KAZN: variants seen among roughly 807,000 people sequenced by gnomAD.
KAZN encodes the protein kazrin, periplakin interacting protein.
Under a neutral mutation model 87.4 loss-of-function variants are expected in KAZN, and 40 were observed. That is an observed-to-expected ratio of 0.46 (90% CI 0.36 to 0.60). The LOEUF is 0.60. Ranked by LOEUF, KAZN falls within the 20% of genes least tolerant of loss-of-function variation. The pLI is 0.00. For missense variants in KAZN, 898 were observed against 1,073.9 expected (o/e 0.84, Z 2.29); for synonymous variants, 466 against 458.3 (o/e 1.02, Z -0.22).
intron 1 of KAZN, among the ~76,000 whole-genome samples, chr1:14,626,634 T>C (rs572892088): frequency 6.6e-6 from 1 of 152,202 alleles, no homozygotes. Flanking sequence ...TTTCTCTGTG[T>C]GATTCTGCTT....
chr1:14,550,211 C>T (rs1053751851), intron 2 of KAZN, among the ~76,000 whole-genome samples: 1 of 152,156 alleles, frequency 6.6e-6, no homozygotes, highest in African/African-American at 2.4e-5. Flanking sequence ...CAGTTCTCTA[C>T]ACTCATGAAA....
At chr1:13,897,249 C>T (rs1639079636) in intron 1 of KAZN, among the ~76,000 whole-genome samples, 2 of 152,164 alleles carry the variant, frequency 1.3e-5, no homozygotes. Context: ...GCCAATAATA[C>T]TTATTATCTG....
chr1:15,076,255 G>A (rs1639743832), intron 8 of KAZN, among the ~76,000 whole-genome samples: 1 of 152,194 alleles, frequency 6.6e-6, no homozygotes, highest in South Asian at 2.1e-4. Context: ...TTGAGTGTGT[G>A]AGCCAATTCC....
Position 14,191,493 on chromosome 1 carries a change from C to T in KAZN, c.249+10901C>T, listed in dbSNP as rs184613310. Among the ~76,000 whole-genome samples, 266 of 152,054 alleles carry T rather than the reference C, an allele frequency of 1.7e-3. 4 individuals are homozygous for T. Among genetic ancestry groups the T allele is most frequent in the Non-Finnish European group, 2.2e-4 (15 of 67,972 alleles). ...ATTTGGAGATTGAAAATCTAGGGAC[C>T]CATGGTACATCTAGGTGTAGTTGTC... On this transcript the variant is annotated intron_variant, in intron 2 of 16. Coordinates refer to the KAZN transcript ENST00000636203.
chr1:14,231,567 T>TA (rs1647852634), intron 2 of KAZN, among the ~76,000 whole-genome samples: 1 of 152,186 alleles, frequency 6.6e-6, no homozygotes, highest in Admixed American at 6.5e-5. Flanking sequence ...TGTGGTGACT[T>TA]ACTCTGTGGC....
At chr1:14,956,469 C>T (rs771355518) in intron 1 of KAZN, among the ~76,000 whole-genome samples, 7 of 151,694 alleles carry the variant, frequency 4.6e-5, no homozygotes, top group African/African-American at 1.5e-4. Flanking sequence ...GGCGTGGTGG[C>T]GGGTTTGTAG....
At chr1:14,951,093 C>G (rs772532442) in intron 1 of KAZN, among the ~76,000 whole-genome samples, 33 of 152,212 alleles carry the variant, frequency 2.2e-4, no homozygotes, top group Non-Finnish European at 4.4e-4. Context: ...AATCTCAACA[C>G]ATGTGAAAGG....
At chr1:14,394,383 AG>A (rs1378292969) in intron 2 of KAZN, among the ~76,000 whole-genome samples, 1 of 152,252 alleles carries the variant, frequency 6.6e-6, no homozygotes, top group Non-Finnish European at 1.5e-5. Flanking sequence ...TAAATAATGA[AG>A]GAATCTGGGA....
intron 1 of KAZN, among the ~76,000 whole-genome samples, chr1:14,939,494 G>A (rs878858096): frequency 6.6e-6 from 1 of 151,680 alleles, no homozygotes; most frequent in South Asian, 2.1e-4. Flanking sequence ...GGCTGGTCTC[G>A]AACTCCTGGT....
intron 1 of KAZN, among the ~76,000 whole-genome samples, chr1:14,704,161 C>A (rs1572266403): frequency 6.6e-6 from 1 of 152,192 alleles, no homozygotes; most frequent in African/African-American, 2.4e-5. Context: ...AGGAGAGACA[C>A]CTAGAAGACT....
intron 2 of KAZN, among the ~76,000 whole-genome samples, chr1:14,455,632 G>A (rs1041907161): frequency 1.3e-5 from 2 of 152,228 alleles, no homozygotes; most frequent in Non-Finnish European, 2.9e-5. Flanking sequence ...GACCTGGCAT[G>A]TGGTGTTCCA....
At chr1:14,854,741 C>G (rs1035310253) in intron 1 of KAZN, among the ~76,000 whole-genome samples, 1 of 152,256 alleles carries the variant, frequency 6.6e-6, no homozygotes, top group South Asian at 2.1e-4. Context: ...TGCCACCGCA[C>G]TGGGGATCGA....
At chr1:14,528,349 A>AG (rs1557778948) in intron 2 of KAZN, among the ~76,000 whole-genome samples, 1 of 145,016 alleles carries the variant, frequency 6.9e-6, no homozygotes, top group Non-Finnish European at 1.6e-5. Flanking sequence ...AAAAAAAAAA[A>AG]AAAAAAAAAA....
Position 14,773,195 on chromosome 1 carries a change from A to T in KAZN, c.226+173972A>T, listed in dbSNP as rs1022782393. ...GCTCCTTTTGGAGCCTTTCACAATT[A>T]TCTTCAGGACAAAGACGGCCCCAAC... On this transcript the variant is annotated intron_variant, in intron 1 of 14. Transcript: ENST00000376030. The surrounding 1 kb of genome is among the most constrained non-coding windows in gnomAD (Gnocchi z 5.9). Among the ~76,000 whole-genome samples, 2 of 152,130 alleles carry T rather than the reference A, an allele frequency of 1.3e-5. No individual in the cohort carries two copies. Among genetic ancestry groups the T allele is most frequent in the Admixed American group, 6.5e-5 (1 of 15,278 alleles).
intron 1 of KAZN, among the ~76,000 whole-genome samples, chr1:14,650,690 A>C (rs994610167): frequency 6.6e-6 from 1 of 152,250 alleles, no homozygotes; most frequent in Non-Finnish European, 1.5e-5. Flanking sequence ...ATGATAATTC[A>C]ATATTGCTTT....
chr1:14,109,856 G>A (rs1196978134), intron 1 of KAZN, among the ~76,000 whole-genome samples: 1 of 136,962 alleles, frequency 7.3e-6, no homozygotes, highest in African/African-American at 2.8e-5. Flanking sequence ...ATTTATGTAA[G>A]TTTCCCTTTA....
chr1:14,505,468 G>A (rs935804293), intron 2 of KAZN, among the ~76,000 whole-genome samples: 1 of 152,120 alleles, frequency 6.6e-6, no homozygotes, highest in African/African-American at 2.4e-5. Flanking sequence ...TTGAATGCTC[G>A]AAAGTTCACT....
chr1:14,834,303 T>G (rs1232915704), intron 1 of KAZN, among the ~76,000 whole-genome samples: 1 of 150,908 alleles, frequency 6.6e-6, no homozygotes, highest in Non-Finnish European at 1.5e-5. Context: ...CCCAAAGTTC[T>G]GGGATTACAG....
chr1:14,080,916 T>C, intron 1 of KAZN, among the ~76,000 whole-genome samples: 1 of 152,188 alleles, frequency 6.6e-6, no homozygotes, highest in East Asian at 1.9e-4. Context: ...AGAACCTTCC[T>C]TCAAATTGCT....
Sources: gnomAD v4.1 joint callset for allele counts (sites outside exome capture counted in the v4.1 genomes callset) on GRCh38, gnomAD v4.1.1 for gene constraint, Gnocchi (gnomAD v3.1) non-coding constraint, MANE v1.5 for transcripts, NCBI Gene and HGNC (gene_info 2026-07-23, HGNC 2026-07-21) for gene names.